The following BRAF variants were observed in gnomAD, a reference collection of about 807,000 sequenced individuals.
The protein encoded by BRAF is serine/threonine-protein kinase B-raf.
Under a neutral mutation model 104.6 loss-of-function variants are expected in BRAF, and 16 were observed. That is an observed-to-expected ratio of 0.15 (90% CI 0.10 to 0.23). The LOEUF is 0.23. BRAF is among the 10% of genes least tolerant of loss of function. The pLI, the probability that BRAF is intolerant of heterozygous loss-of-function variation, is 1.00. For missense variants in BRAF, 541 were observed against 937.3 expected (o/e 0.58, Z 5.52); for synonymous variants, 310 against 341.6 (o/e 0.91, Z 1.02).
At chr7:140,858,280 T>A (rs557111935) in intron 1 of BRAF, among the ~76,000 whole-genome samples, 48 of 152,310 alleles carry the variant, frequency 3.2e-4, no homozygotes, top group African/African-American at 1.2e-3. Context: ...GAAGTATACA[T>A]GCAAAACATT....
At chr7:140,842,917 G>A (rs1457085402) in intron 2 of BRAF, among the ~76,000 whole-genome samples, 1 of 152,190 alleles carries the variant, frequency 6.6e-6, no homozygotes, top group Non-Finnish European at 1.5e-5. Flanking sequence ...GAGGATTTCT[G>A]ATGGTGGTGT....
At chr7:140,832,073 G>T (rs1268268972) in intron 3 of BRAF, among the ~76,000 whole-genome samples, 1 of 152,128 alleles carries the variant, frequency 6.6e-6, no homozygotes, top group Non-Finnish European at 1.5e-5. Context: ...AAAATTTCTA[G>T]TTCTCTGACA....
At chr7:140,912,189 T>C (rs1817058893) in intron 1 of BRAF, among the ~76,000 whole-genome samples, 1 of 152,128 alleles carries the variant, frequency 6.6e-6, no homozygotes, top group African/African-American at 2.4e-5. Context: ...ATTTTACTAT[T>C]TGTCTCCAGT....
chr7:140,824,810 A>G (rs1041808741), intron 3 of BRAF, among the ~76,000 whole-genome samples: 6 of 152,122 alleles, frequency 3.9e-5, no homozygotes, highest in Non-Finnish European at 7.4e-5. Flanking sequence ...TGGTCACTCT[A>G]ATTTCAGCCA....
At chr7:140,830,284 A>C (rs1806581303) in intron 3 of BRAF, among the ~76,000 whole-genome samples, 1 of 152,090 alleles carries the variant, frequency 6.6e-6, no homozygotes, top group Non-Finnish European at 1.5e-5. Context: ...GTGTGGACTT[A>C]CTCCTGTACA....
intron 1 of BRAF, among the ~76,000 whole-genome samples, chr7:140,900,755 C>T (rs945311864): frequency 1.3e-5 from 2 of 152,122 alleles, no homozygotes; most frequent in African/African-American, 2.4e-5. Flanking sequence ...GGATTACAGG[C>T]GTGCACCATC....
chr7:140,850,332 A>G (rs1011817649), intron 1 of BRAF, 120 bp from the exon 2 acceptor site: 37 of 756,290 alleles, frequency 4.9e-5, no homozygotes, highest in Non-Finnish European at 7.0e-5. Flanking sequence ...GAGCTTAGAG[A>G]TCATTTAGTA....
intron 1 of BRAF, among the ~76,000 whole-genome samples, chr7:140,894,733 G>C (rs1254244212): frequency 6.6e-6 from 1 of 151,772 alleles, no homozygotes; most frequent in Non-Finnish European, 1.5e-5. Flanking sequence ...TAATAATGTG[G>C]AAGAACTGCC....
At chr7:140,822,685 C>T (rs1805613320) in intron 3 of BRAF, among the ~76,000 whole-genome samples, 1 of 152,152 alleles carries the variant, frequency 6.6e-6, no homozygotes, top group Non-Finnish European at 1.5e-5. Context: ...TGTTTATGGA[C>T]ATTTGGGTTA....
intron 17 of BRAF, among the ~76,000 whole-genome samples, chr7:140,746,198 G>A (rs560751243): frequency 6.6e-6 from 1 of 152,272 alleles, no homozygotes; most frequent in South Asian, 2.1e-4. Flanking sequence ...ACAGATATAT[G>A]CTATCTATTC....
intron 17 of BRAF, among the ~76,000 whole-genome samples, chr7:140,746,838 AAAAAAAG>A (rs1238915922): frequency 2.0e-5 from 3 of 151,772 alleles, no homozygotes; most frequent in African/African-American, 4.8e-5. Context: ...TTGGAAAAAA[AAAAAAAG>A]AAAAAAGAAA....
At chr7:140,923,068 G>C (rs1818394365) in intron 1 of BRAF, among the ~76,000 whole-genome samples, 1 of 152,230 alleles carries the variant, frequency 6.6e-6, no homozygotes, top group South Asian at 2.1e-4. Flanking sequence ...CAGATCAAAT[G>C]ATGGTACAGA....
At position 140,777,956 on chromosome 7, in the gene BRAF, C is replaced by G. The variant is rs71645981; in HGVS notation, c.1637+35G>C. Reference sequence around the variant, plus strand: ...AACCAGGAGCTAATAAAAATAACTTCTTTCTCTGGAAAAGAGTAATTCACA... The same window carrying G: ...AACCAGGAGCTAATAAAAATAACTTGTTTCTCTGGAAAAGAGTAATTCACA... On this transcript the variant is annotated intron_variant, in intron 13 of 19. Transcript: ENST00000644969. 0.019 allele frequency: 29,620 copies of G among 1,598,902 alleles called. 385 individuals are homozygous for G. The highest frequency in any genetic ancestry group is 0.022 in the Non-Finnish European group (25,403 of 1,167,066).
chr7:140,869,534 G>A (rs1811332886), intron 1 of BRAF, among the ~76,000 whole-genome samples: 1 of 151,984 alleles, frequency 6.6e-6, no homozygotes. Context: ...TCAGGAGGCT[G>A]AGGCATGAGA....
intron 7 of BRAF, among the ~76,000 whole-genome samples, chr7:140,795,542 G>A (rs1472478354): frequency 1.3e-5 from 2 of 152,112 alleles, no homozygotes; most frequent in East Asian, 3.8e-4. Flanking sequence ...TGAGACGTGA[G>A]GAATGGGAAA....
At chr7:140,797,288 C>A (rs1450885021) in intron 7 of BRAF, among the ~76,000 whole-genome samples, 1 of 152,026 alleles carries the variant, frequency 6.6e-6, no homozygotes, top group Non-Finnish European at 1.5e-5. Context: ...AAATGTTGAC[C>A]TCTCACAAAT....
chr7:140,900,544 T>G (rs1324170197), intron 1 of BRAF, among the ~76,000 whole-genome samples: 1 of 152,224 alleles, frequency 6.6e-6, no homozygotes, highest in Non-Finnish European at 1.5e-5. Flanking sequence ...AATATAAAAT[T>G]CATCCATATT....
chr7:140,818,486 T>C (rs1805125326), intron 3 of BRAF, among the ~76,000 whole-genome samples: 1 of 152,074 alleles, frequency 6.6e-6, no homozygotes, highest in Non-Finnish European at 1.5e-5. Flanking sequence ...CTAATTTTTA[T>C]ACTTTTAATA....
chr7:140,894,369 T>A (rs989775035), intron 1 of BRAF, among the ~76,000 whole-genome samples: 1 of 152,066 alleles, frequency 6.6e-6, no homozygotes, highest in African/African-American at 2.4e-5. Context: ...TTTTAAAGAA[T>A]TAAAGGTGAA....
Sources: allele counts gnomAD v4.1 joint callset (sites outside exome capture counted in the v4.1 genomes callset), GRCh38; gene constraint gnomAD v4.1.1; transcripts MANE v1.5; gene names NCBI Gene and HGNC (gene_info 2026-07-23, HGNC 2026-07-21).